KIAA0825: variants seen among roughly 807,000 people sequenced by gnomAD.
KIAA0825 encodes the protein KIAA0825.
KIAA0825 carries 119 observed loss-of-function variants against 147.6 expected under a neutral mutation model. The observed-to-expected ratio is 0.81, with a 90% CI of 0.69 to 0.94. The LOEUF is 0.94. Ranked by LOEUF, KIAA0825 falls within the 40% of genes least tolerant of loss-of-function variation. The pLI, the probability that KIAA0825 is intolerant of heterozygous loss-of-function variation, is 0.00. For missense variants in KIAA0825, 1,381 were observed against 1,472.7 expected, an observed-to-expected ratio of 0.94 and a Z score of 1.02; for synonymous variants, 470 against 518.1, an observed-to-expected ratio of 0.91 and a Z score of 1.26.
chr5:94,183,358 G>T (rs953381970), intron 20 of KIAA0825, among the ~76,000 whole-genome samples: 1 of 152,166 alleles, frequency 6.6e-6, no homozygotes, highest in Admixed American at 6.5e-5. Flanking sequence ...TTTCCAAAGT[G>T]ATAGGGATAA....
intron 15 of KIAA0825, among the ~76,000 whole-genome samples, chr5:94,405,939 T>G (rs974356198): frequency 2.0e-5 from 3 of 152,118 alleles, no homozygotes; most frequent in African/African-American, 7.2e-5. Context: ...TATTTTTATT[T>G]TTTTTTGAGA....
chr5:94,583,077 G>C (rs1248138822), intron 1 of KIAA0825, among the ~76,000 whole-genome samples: 4 of 152,086 alleles, frequency 2.6e-5, no homozygotes, highest in Non-Finnish European at 5.9e-5. Context: ...AATAGGAACA[G>C]CTCCGGTCTA....
chr5:94,567,891 T>C (rs1328300016), intron 2 of KIAA0825: 11 of 156,074 alleles, frequency 7.0e-5, no homozygotes, highest in African/African-American at 2.7e-4. Flanking sequence ...CCCATAGTTG[T>C]AGCTGGGGTC....
At chr5:94,609,127 T>C (rs1327630217) in intron 1 of KIAA0825, among the ~76,000 whole-genome samples, 1 of 152,274 alleles carries the variant, frequency 6.6e-6, no homozygotes, top group South Asian at 2.1e-4. Context: ...CAAAGAAGAA[T>C]ATTCACAATT....
chr5:94,224,216 C>G (rs1162274303), intron 20 of KIAA0825, among the ~76,000 whole-genome samples: 3 of 150,474 alleles, frequency 2.0e-5, no homozygotes, highest in African/African-American at 7.3e-5. Context: ...CCTGCTTCAG[C>G]CTCCTGAGTA....
intron 20 of KIAA0825, among the ~76,000 whole-genome samples, chr5:94,192,942 C>T (rs924887898): frequency 4.6e-5 from 7 of 152,198 alleles, no homozygotes; most frequent in Admixed American, 4.6e-4. Flanking sequence ...CTCACTTCCT[C>T]TCCCCAATTA....
rs75234640 is a variant in KIAA0825 at position 94,202,264 on chromosome 5, A to G, written c.3711-48140T>C. ...AATGTAAGGATTATAGAAATGAGGA[A>G]GGATGAAGGGGAGGAAGAACAGAAA... is the stretch of plus-strand genomic sequence containing the variant. On this transcript the variant is annotated intron_variant, in intron 20 of 20. Coordinates refer to ENST00000682413, the MANE Select transcript of KIAA0825 (RefSeq NM_001145678.3). 9.3e-3 allele frequency among the ~76,000 whole-genome samples: 1,416 copies of G among 152,296 alleles called. 55 individuals carry two copies. In the East Asian group the frequency reaches 0.11, roughly 12 times the overall value.
chr5:94,604,144 T>C (rs1267702869), intron 1 of KIAA0825, among the ~76,000 whole-genome samples: 1 of 152,228 alleles, frequency 6.6e-6, no homozygotes, highest in African/African-American at 2.4e-5. Context: ...CATTGCCACA[T>C]AGCACTTACT....
intron 20 of KIAA0825, among the ~76,000 whole-genome samples, chr5:94,234,095 G>A (rs1203120001): frequency 2.6e-5 from 4 of 152,212 alleles, no homozygotes; most frequent in East Asian, 1.9e-4. Context: ...GGCCGGGCGC[G>A]GTGGCTCACG....
At chr5:94,565,898 G>T (rs1363770715) in intron 2 of KIAA0825, among the ~76,000 whole-genome samples, 1 of 152,124 alleles carries the variant, frequency 6.6e-6, no homozygotes, top group Admixed American at 6.5e-5. Context: ...CTGTCTAAAT[G>T]AAACTTTATC....
rs1696727193 is a variant in KIAA0825, at chr5:94,249,681, T to C, written c.3711-95557A>G. On this transcript the variant is annotated intron_variant, in intron 20 of 20. Transcript: ENST00000682413. Reference sequence around the variant, plus strand: ...CTCATGGCTGAGGTCTCAGCTCAAATGCTTCTTCCTCAGAAAGGCCTTCCT... The same window carrying C: ...CTCATGGCTGAGGTCTCAGCTCAAACGCTTCTTCCTCAGAAAGGCCTTCCT... Among the ~76,000 whole-genome samples the C allele has an allele frequency of 2.0e-5, 3 of 152,236 alleles. No homozygotes were observed. The South Asian group carries it at 6.2e-4, about 32-fold the overall frequency.
intron 20 of KIAA0825, among the ~76,000 whole-genome samples, chr5:94,178,877 C>A (rs1769347288): frequency 6.6e-6 from 1 of 151,998 alleles, no homozygotes; most frequent in Non-Finnish European, 1.5e-5. Flanking sequence ...GAGCTTTATT[C>A]ACAATAACCA....
At chr5:94,180,597 C>A (rs1183867621) in intron 20 of KIAA0825, among the ~76,000 whole-genome samples, 1 of 152,088 alleles carries the variant, frequency 6.6e-6, no homozygotes, top group Non-Finnish European at 1.5e-5. Flanking sequence ...AATCTACATA[C>A]TATTTTTGCT....
intron 20 of KIAA0825, among the ~76,000 whole-genome samples, chr5:94,325,688 T>C (rs1780614196): frequency 6.6e-6 from 1 of 151,982 alleles, no homozygotes; most frequent in Non-Finnish European, 1.5e-5. Flanking sequence ...AGAGGAATTT[T>C]TGATGAATTG....
chr5:94,458,812 C>A (rs1350214066), intron 12 of KIAA0825, among the ~76,000 whole-genome samples: 1 of 151,644 alleles, frequency 6.6e-6, no homozygotes, highest in African/African-American at 2.4e-5. Flanking sequence ...TTCATTTTCA[C>A]AACTTTATTG....
chr5:94,381,553 A>G (rs897584574), intron 20 of KIAA0825, among the ~76,000 whole-genome samples: 15 of 152,180 alleles, frequency 9.9e-5, no homozygotes, highest in Non-Finnish European at 1.9e-4. Flanking sequence ...ATATGACACC[A>G]TTTTATATCA....
intron 7 of KIAA0825, among the ~76,000 whole-genome samples, chr5:94,474,839 G>A (rs1170997274): frequency 6.6e-6 from 1 of 152,152 alleles, no homozygotes; most frequent in African/African-American, 2.4e-5. Context: ...AGTAATCCCA[G>A]CACTTTGGGA....
intron 20 of KIAA0825, among the ~76,000 whole-genome samples, chr5:94,343,210 A>G (rs948049548): frequency 3.3e-5 from 5 of 152,236 alleles, no homozygotes; most frequent in Non-Finnish European, 7.3e-5. Flanking sequence ...ATTCACTGAA[A>G]TTCTCAGCAG....
At chr5:94,284,166 A>C (rs1476971093) in intron 20 of KIAA0825, among the ~76,000 whole-genome samples, 2 of 152,146 alleles carry the variant, frequency 1.3e-5, no homozygotes, top group African/African-American at 2.4e-5. Flanking sequence ...ATGAATCACC[A>C]CTTTCCCATT....
Sources: allele counts gnomAD v4.1 joint callset (sites outside exome capture counted in the v4.1 genomes callset), GRCh38; gene constraint gnomAD v4.1.1; transcripts MANE v1.5; gene names NCBI Gene and HGNC (gene_info 2026-07-23, HGNC 2026-07-21).